TRIM69: variants seen among roughly 807,000 people sequenced by gnomAD.
TRIM69 encodes the protein E3 ubiquitin-protein ligase TRIM69.
Under a neutral mutation model 37.7 loss-of-function variants are expected in TRIM69, and 29 were observed. The observed-to-expected ratio is 0.77, with a 90% CI of 0.57 to 1.05. The LOEUF is 1.05. Among genes scored for constraint, TRIM69 ranks in the 50% least tolerant of loss-of-function variants. The pLI, the probability that TRIM69 is intolerant of heterozygous loss-of-function variation, is 0.00. For synonymous variants in TRIM69, 209 were observed against 212.4 expected (o/e 0.98, Z 0.14); for missense variants, 596 against 579.9 (o/e 1.03, Z -0.28).
rs748470236 is a variant in TRIM69 at position 44,754,926 on chromosome 15, C to G, written c.33C>G (p.Ile11Met). ...TATCCACCAACCCCTCCTCCAACAT[C>G]GATCCAGGCGACTATGTTGAAATGA... MEVSTNPSSN[I>M]DPGDYVEMND... is the part of the protein sequence containing the mutation. The change falls in exon 2 of 7, where the codon ATC (isoleucine) becomes ATG (methionine). Residue 11 changes from isoleucine to methionine, a missense_variant. Transcript: ENST00000329464. 6.2e-7 allele frequency: 1 copy of G among 1,612,594 alleles called. No homozygotes were observed. Among genetic ancestry groups the G allele is most frequent in the African/African-American group, 1.3e-5 (1 of 74,884 alleles).
At chr15:44,747,202 T>C (rs921424310) in intron 1 of TRIM69, among the ~76,000 whole-genome samples, 2 of 152,124 alleles carry the variant, frequency 1.3e-5, no homozygotes, top group South Asian at 2.1e-4. Flanking sequence ...AAAGGTGAAG[T>C]TGAACAAGGA....
intron 1 of TRIM69, among the ~76,000 whole-genome samples, chr15:44,751,273 G>A (rs753393383): frequency 2.0e-5 from 3 of 151,778 alleles, no homozygotes; most frequent in Non-Finnish European, 2.9e-5. Flanking sequence ...TCGCTACCAC[G>A]CCCAGCTAAT....
rs2087704884 is a variant in TRIM69, at chr15:44,758,656, G to A, written c.615G>A (p.Met205Ile). The A allele has an allele frequency of 1.2e-6, 2 of 1,614,120 alleles. No homozygotes were observed. The highest frequency in any genetic ancestry group is 1.1e-5 in the South Asian group (1 of 91,078). Reference protein sequence around the residue: ...NKLHLQQHVSMEFLKLHQFLH... With the variant: ...NKLHLQQHVSIEFLKLHQFLH... ...TACATCTGCAGCAACATGTGTCCAT[G>A]GAGTTTCTAAAGCTGCATCAGTTCC... Residue 205 changes from methionine to isoleucine, a missense_variant, in exon 4 of 7, where the codon ATG becomes ATA. Physicochemically the swap from Met to Ile is conservative, Grantham distance 10. Coordinates refer to ENST00000329464, the MANE Select transcript of TRIM69 (RefSeq NM_182985.5).
chr15:44,747,126 C>T (rs74009416), intron 1 of TRIM69, among the ~76,000 whole-genome samples: 2,318 of 152,172 alleles, frequency 0.015, 56 homozygotes, highest in African/African-American at 0.051. Flanking sequence ...TGGTACAGAA[C>T]AAAGAGAACA....
At chr15:44,746,745 C>A (rs1163431676) in intron 1 of TRIM69, among the ~76,000 whole-genome samples, 1 of 63,496 alleles carries the variant, frequency 1.6e-5, no homozygotes, top group East Asian at 3.7e-4. Flanking sequence ...CCAGCACGTG[C>A]ACGTGCACAC....
chr15:44,767,393 C>A lies in TRIM69; in HGVS notation c.1124C>A (p.Ser375Tyr). The change falls in exon 7 of 7, where the codon TCT (serine) becomes TAT (tyrosine). Residue 375 changes from serine to tyrosine, a missense_variant. Coordinates refer to ENST00000329464, the MANE Select transcript of TRIM69 (RefSeq NM_182985.5). ...GTACTGGGCTCAAGAGGCTTCACCT[C>A]TGGAAAGTGGTACTGGGAAGTAGAA... ...VAVLGSRGFT[S>Y]GKWYWEVEVA... The A allele has an allele frequency of 6.2e-7, 1 of 1,614,106 alleles. No individual in the cohort carries two copies. The highest frequency in any genetic ancestry group is 1.7e-5 in the Admixed American group (1 of 60,014).
chr15:44,762,657 A>G (rs73421604), intron 6 of TRIM69, among the ~76,000 whole-genome samples: 5,295 of 151,940 alleles, frequency 0.035, 281 homozygotes, highest in African/African-American at 0.12. Context: ...ATTGTTCAAG[A>G]TATTTTCATT....
chr15:44,755,504 A>G, intron 2 of TRIM69, 128 bp downstream of exon 2: 1 of 711,764 alleles, frequency 1.4e-6, no homozygotes, highest in Non-Finnish European at 2.3e-6. Context: ...CTGCTCAGAA[A>G]GTACAACGTA....
chr15:44,756,534 A>G (rs2087652678), intron 3 of TRIM69, 71 bp downstream of exon 3: 5 of 1,038,984 alleles, frequency 4.8e-6, no homozygotes, highest in Non-Finnish European at 7.2e-6. Flanking sequence ...AGCTATGGGT[A>G]CAAAGGTGCC....
chr15:44,763,040 T>C (rs1270897185), intron 6 of TRIM69, among the ~76,000 whole-genome samples: 1 of 152,228 alleles, frequency 6.6e-6, no homozygotes, highest in Non-Finnish European at 1.5e-5. Flanking sequence ...TTAACATTTT[T>C]AACAACTAAT....
chr15:44,761,070 A>G (rs1450433855), intron 6 of TRIM69, among the ~76,000 whole-genome samples: 1 of 151,900 alleles, frequency 6.6e-6, no homozygotes, highest in Non-Finnish European at 1.5e-5. Context: ...GGCGCCTGCC[A>G]CCATGCCCGG....
intron 1 of TRIM69, among the ~76,000 whole-genome samples, chr15:44,745,326 T>C (rs1010656606): frequency 6.6e-6 from 1 of 152,160 alleles, no homozygotes; most frequent in African/African-American, 2.4e-5. Context: ...CAGAATTCAG[T>C]AGCTACATGT....
At chr15:44,755,461 C>T in intron 2 of TRIM69, 85 bp downstream of exon 2, 1 of 988,080 alleles carries the variant, frequency 1.0e-6, no homozygotes, top group Non-Finnish European at 1.5e-6. Context: ...CCAACCCCAT[C>T]CCTTTATTCA....
Position 44,767,330 on chromosome 15 carries a change from T to A in TRIM69, c.1061T>A (p.Met354Lys). The A allele has an allele frequency of 6.2e-7, 1 of 1,614,116 alleles. No individual in the cohort carries two copies. Among genetic ancestry groups the A allele is most frequent in the Middle Eastern group, 1.6e-4 (1 of 6,062 alleles). The change falls in exon 7 of 7, where the codon ATG becomes AAG. Residue 354 changes from methionine to lysine, a missense_variant. Coordinates refer to ENST00000329464, the MANE Select transcript of TRIM69 (RefSeq NM_182985.5). ...TGGCATGGTGACATTAAGAAGATAA[T>A]GCCTGATGATCCTGAGAGGTTTGAC... The part of the protein sequence containing the change: ...SVWHGDIKKI[M>K]PDDPERFDSS...
chr15:44,747,849 A>T (rs2087441443), intron 1 of TRIM69, among the ~76,000 whole-genome samples: 1 of 152,222 alleles, frequency 6.6e-6, no homozygotes, highest in East Asian at 1.9e-4. Flanking sequence ...TCATGAGGCA[A>T]AGAATGTTTA....
intron 2 of TRIM69, among the ~76,000 whole-genome samples, chr15:44,756,068 C>A (rs1232537737): frequency 6.6e-6 from 1 of 150,744 alleles, no homozygotes; most frequent in East Asian, 1.9e-4. Flanking sequence ...CTTTTTTTTT[C>A]TTTGTTTTGA....
chr15:44,751,235 C>G (rs1056206567), intron 1 of TRIM69, among the ~76,000 whole-genome samples: 5 of 151,890 alleles, frequency 3.3e-5, no homozygotes, highest in African/African-American at 1.2e-4. Context: ...CCTGCCTCAG[C>G]CTCCCGAGTA....
At chr15:44,749,747 A>G (rs923796845) in intron 1 of TRIM69, among the ~76,000 whole-genome samples, 1 of 152,194 alleles carries the variant, frequency 6.6e-6, no homozygotes, top group African/African-American at 2.4e-5. Flanking sequence ...TATTCCTAGA[A>G]GTGGAATTGG....
intron 1 of TRIM69, chr15:44,753,102 C>T (rs2087569241): frequency 6.6e-6 from 1 of 152,118 alleles, no homozygotes; most frequent in South Asian, 2.1e-4. Context: ...CTGGTCTCTA[C>T]TTCTTTATAT....
Sources: gnomAD v4.1 joint callset for allele counts (sites outside exome capture counted in the v4.1 genomes callset) on GRCh38, gnomAD v4.1.1 for gene constraint, MANE v1.5 for transcripts, NCBI Gene and HGNC (gene_info 2026-07-23, HGNC 2026-07-21) for gene names.